The following CADPS2 variants were observed in gnomAD, a reference collection of about 807,000 sequenced individuals.
CADPS2 encodes calcium dependent secretion activator 2.
CADPS2 carries 93 observed loss-of-function variants against 172.5 expected under a neutral mutation model. The ratio of observed to expected loss-of-function variants is 0.54; its 90% CI spans 0.46 to 0.64. The LOEUF (loss-of-function observed/expected upper bound fraction) is 0.64, where lower values mean the gene tolerates loss of function less well. Ranked by LOEUF, CADPS2 falls within the 30% of genes least tolerant of loss-of-function variation. The pLI, the probability that CADPS2 is intolerant of heterozygous loss-of-function variation, is 0.00. For missense variants in CADPS2, 1,420 were observed against 1,565.9 expected, an observed-to-expected ratio of 0.91 and a Z score of 1.57; for synonymous variants, 546 against 555.2, an observed-to-expected ratio of 0.98 and a Z score of 0.23.
intron 28 of CADPS2, among the ~76,000 whole-genome samples, chr7:122,343,062 T>C (rs1481160273): frequency 6.6e-6 from 1 of 152,180 alleles, no homozygotes; most frequent in East Asian, 1.9e-4. Context: ...TGATAACCTC[T>C]CATTTTCTAA....
chr7:122,653,911 T>G (rs2079452085), intron 3 of CADPS2, among the ~76,000 whole-genome samples: 1 of 152,180 alleles, frequency 6.6e-6, no homozygotes, highest in South Asian at 2.1e-4. Context: ...GCCCTGCCTA[T>G]TCCCTAAAAC....
At chr7:122,411,299 C>A (rs746958187) in intron 19 of CADPS2, among the ~76,000 whole-genome samples, 1 of 151,346 alleles carries the variant, frequency 6.6e-6, no homozygotes, top group East Asian at 1.9e-4. Flanking sequence ...CGGCTCACTG[C>A]AACCTCTGCC....
In CADPS2 at chr7:122,420,272, T is replaced by C. The variant is rs10271472; in HGVS notation, c.2477-4108A>G. On this transcript the variant is annotated intron_variant, in intron 17 of 29. Transcript: ENST00000449022. ...ATCACAGAACCAACCTCAGAACTTA[T>C]TATATGTGAATCTTTCAAAATCAGC... 8.5e-3 allele frequency among the ~76,000 whole-genome samples: 1,288 copies of C among 152,318 alleles called. 18 individuals carry two copies. Among genetic ancestry groups the C allele is most frequent in the African/African-American group, 0.03 (1,231 of 41,578 alleles).
chr7:122,398,616 A>T (rs564922054), intron 20 of CADPS2, among the ~76,000 whole-genome samples: 2 of 152,330 alleles, frequency 1.3e-5, no homozygotes, highest in African/African-American at 4.8e-5. Context: ...GTCGCTCTCC[A>T]TGTTGACAAA....
intron 1 of CADPS2, among the ~76,000 whole-genome samples, chr7:122,884,219 C>A (rs1487981721): frequency 6.6e-6 from 1 of 152,094 alleles, no homozygotes; most frequent in Non-Finnish European, 1.5e-5. Flanking sequence ...AAACTAGAGA[C>A]TGGATGATAT....
chr7:122,386,969 A>AT, intron 24 of CADPS2, 57 bp downstream of exon 24: 1 of 1,524,650 alleles, frequency 6.6e-7, no homozygotes, highest in East Asian at 2.5e-5. Flanking sequence ...TGGAAAGGGC[A>AT]TTTCCCATGC....
intron 19 of CADPS2, among the ~76,000 whole-genome samples, chr7:122,412,634 G>A (rs1176230520): frequency 1.3e-5 from 2 of 152,220 alleles, no homozygotes; most frequent in East Asian, 1.9e-4. Context: ...TCTTGCCCAC[G>A]GTGGAATGGA....
At chr7:122,582,808 G>C (rs145114480) in intron 6 of CADPS2, among the ~76,000 whole-genome samples, 3 of 151,890 alleles carry the variant, frequency 2.0e-5, no homozygotes, top group African/African-American at 7.2e-5. Flanking sequence ...AAAGATTTTT[G>C]ATAGTCATAT....
chr7:122,327,296 A>G (rs1563073510), intron 28 of CADPS2, among the ~76,000 whole-genome samples: 1 of 152,086 alleles, frequency 6.6e-6, no homozygotes, highest in African/African-American at 2.4e-5. Context: ...ACTCACTCAC[A>G]AGTATTGGTG....
At chr7:122,378,307 T>C (rs2042586445) in intron 25 of CADPS2, among the ~76,000 whole-genome samples, 1 of 152,168 alleles carries the variant, frequency 6.6e-6, no homozygotes, top group Admixed American at 6.5e-5. Flanking sequence ...TTAATGTACT[T>C]GATGTATTTC....
chr7:122,579,450 A>AATATATATATATATATATATATATATAT (rs3034498), intron 7 of CADPS2, among the ~76,000 whole-genome samples: 95 of 128,622 alleles, frequency 7.4e-4, no homozygotes, highest in African/African-American at 1.4e-3. Context: ...AATTGCATCG[A>AATATATATATATATATATATATATATAT]ATATATATAT....
intron 25 of CADPS2, among the ~76,000 whole-genome samples, chr7:122,370,036 C>T (rs2041564565): frequency 6.6e-6 from 1 of 152,154 alleles, no homozygotes; most frequent in Non-Finnish European, 1.5e-5. Flanking sequence ...GCTCCAGGCC[C>T]TGGTTTCTGC....
At chr7:122,788,010 C>G (rs1794438845) in intron 1 of CADPS2, among the ~76,000 whole-genome samples, 1 of 152,094 alleles carries the variant, frequency 6.6e-6, no homozygotes. Context: ...AATAAACATC[C>G]CCCCTGTGAG....
intron 1 of CADPS2, among the ~76,000 whole-genome samples, chr7:122,795,435 T>A (rs1484650136): frequency 6.6e-6 from 1 of 151,884 alleles, no homozygotes; most frequent in Non-Finnish European, 1.5e-5. Context: ...AACAGACCAA[T>A]AATGAGCTCT....
chr7:122,641,971 T>C (rs767460065), intron 3 of CADPS2, among the ~76,000 whole-genome samples: 147 of 151,754 alleles, frequency 9.7e-4, no homozygotes, highest in Non-Finnish European at 1.2e-3. Flanking sequence ...TTTGCAAAGA[T>C]AGAAATATTA....
intron 3 of CADPS2, among the ~76,000 whole-genome samples, chr7:122,635,847 T>C (rs2077019024): frequency 6.6e-6 from 1 of 152,212 alleles, no homozygotes. Flanking sequence ...CCACTTTTCA[T>C]TATGTAATGC....
chr7:122,454,959 T>C (rs533219894), intron 14 of CADPS2, among the ~76,000 whole-genome samples: 69 of 152,248 alleles, frequency 4.5e-4, no homozygotes, highest in Admixed American at 1.7e-3. Flanking sequence ...GTCAGAGAAC[T>C]GGCCACACAC....
At chr7:122,399,660 CTTTTTTTTTTTTTTTTTTTTTTTTT>C (rs1008163151) in intron 20 of CADPS2, among the ~76,000 whole-genome samples, 43 of 51,226 alleles carry the variant, frequency 8.4e-4, no homozygotes, top group South Asian at 2.7e-3. Context: ...GGGTGGGTTT[CTTTTTTTTTTTTTTTTTTTTTTTTT>C]TTTTTTTTTT....
At chr7:122,321,659 TTG>T (rs1563060446) in intron 29 of CADPS2, among the ~76,000 whole-genome samples, 1 of 151,952 alleles carries the variant, frequency 6.6e-6, no homozygotes, top group East Asian at 1.9e-4. Flanking sequence ...CAGCTAATTT[TTG>T]TGTTTTTGGG....
Sources: gnomAD v4.1 joint callset for allele counts (sites outside exome capture counted in the v4.1 genomes callset) on GRCh38, gnomAD v4.1.1 for gene constraint, MANE v1.5 for transcripts, NCBI Gene and HGNC (gene_info 2026-07-23, HGNC 2026-07-21) for gene names.